The following TPRG1 variants were observed in gnomAD, a reference collection of about 807,000 sequenced individuals.
TPRG1 encodes the protein tumor protein p63 regulated 1.
In TPRG1, 29 loss-of-function variants were observed where a neutral mutation model predicts 29.3. The ratio of observed to expected loss-of-function variants is 0.99; its 90% CI spans 0.74 to 1.35. TPRG1 has a LOEUF of 1.35. Among genes scored for constraint, TPRG1 ranks in the 40% most tolerant of loss-of-function variants. TPRG1 has a pLI of 0.00. For missense variants in TPRG1, 327 were observed against 335.0 expected, an observed-to-expected ratio of 0.98 and a Z score of 0.19; for synonymous variants, 130 against 116.8, an observed-to-expected ratio of 1.11 and a Z score of -0.73.
rs551111568 is a variant in TPRG1 at position 189,312,347 on chromosome 3, G to T, written c.633+1808G>T. Among the ~76,000 whole-genome samples the T allele has an allele frequency of 2.0e-5, 3 of 151,500 alleles. No homozygotes were observed. The East Asian group carries it at 5.8e-4, about 29-fold the overall frequency. ...CTCCGGAGTAGCTGGGACTACAGGC[G>T]CCCGAAAACATCTGTTAATCCAAGA... On this transcript the variant is annotated intron_variant, in intron 5 of 5. Coordinates refer to ENST00000345063, the MANE Select transcript of TPRG1 (RefSeq NM_198485.4).
At position 189,322,424 on chromosome 3, in the gene TPRG1, C is replaced by T. The variant is rs977199346; in HGVS notation, c.*1604C>T. 3.3e-5 allele frequency: 5 copies of T among 152,214 alleles called. No individual in the cohort carries two copies. Among genetic ancestry groups the T allele is most frequent in the Admixed American group, 6.6e-5 (1 of 15,210 alleles). The allele number at this position is 152,214 out of a possible 1,614,324, so 9.4% of individuals were successfully genotyped here. A position where few individuals can be genotyped will look rare whatever the true frequency, so the allele number is the denominator to read the frequency against. ...GCCTTTACAGCACCCACTTTTTCTTCCCCCCATGATGGCAAATATTGTTAT... is the reference window on the plus strand; with the variant it reads ...GCCTTTACAGCACCCACTTTTTCTTTCCCCCATGATGGCAAATATTGTTAT... On this transcript the variant is annotated 3_prime_UTR_variant, in exon 6 of 6. Transcript: ENST00000345063.
intron 4 of TPRG1, among the ~76,000 whole-genome samples, chr3:189,031,077 T>C (rs1447777669): frequency 6.6e-6 from 1 of 152,138 alleles, no homozygotes; most frequent in Non-Finnish European, 1.5e-5. Flanking sequence ...CTCAAGCTGT[T>C]AGAGACCAGC....
At chr3:189,189,701 A>G (rs866593945) in intron 1 of TPRG1, among the ~76,000 whole-genome samples, 2 of 152,340 alleles carry the variant, frequency 1.3e-5, no homozygotes, top group African/African-American at 2.4e-5. Context: ...CAAGATACCT[A>G]TCCCGGACGG....
intron 4 of TPRG1, among the ~76,000 whole-genome samples, chr3:189,287,174 G>C (rs1253187037): frequency 1.3e-5 from 2 of 152,094 alleles, no homozygotes; most frequent in Admixed American, 6.6e-5. Context: ...CAGACAGGAA[G>C]AAAGGGAAAA....
chr3:189,072,200 AT>A (rs1267964551), intron 4 of TPRG1, among the ~76,000 whole-genome samples: 1 of 152,216 alleles, frequency 6.6e-6, no homozygotes, highest in Non-Finnish European at 1.5e-5. Context: ...TCTTGAAGCA[AT>A]TTAACATTCA....
chr3:189,287,216 G>A (rs976568047), intron 4 of TPRG1, among the ~76,000 whole-genome samples: 3 of 152,024 alleles, frequency 2.0e-5, no homozygotes, highest in African/African-American at 2.4e-5. Flanking sequence ...TCCCAGTGAC[G>A]CTTTGCCTTT....
intron 4 of TPRG1, among the ~76,000 whole-genome samples, chr3:189,271,481 C>A (rs542094139): frequency 6.6e-6 from 1 of 152,298 alleles, no homozygotes; most frequent in East Asian, 1.9e-4. Context: ...TTACTGAAGG[C>A]CCTCAGTGGG....
intron 3 of TPRG1, among the ~76,000 whole-genome samples, chr3:189,229,193 T>A (rs1738256038): frequency 6.6e-6 from 1 of 152,206 alleles, no homozygotes; most frequent in African/African-American, 2.4e-5. Flanking sequence ...GTCCATTATC[T>A]TCAAATTTGA....
chr3:189,165,433 C>CTTTTTTTTTTTTGTTTT (rs1453795343), intron 5 of TPRG1, among the ~76,000 whole-genome samples: 1 of 150,878 alleles, frequency 6.6e-6, no homozygotes, highest in Non-Finnish European at 1.5e-5. Flanking sequence ...GGTTCTCAAA[C>CTTTTTTTTTTTTGTTTT]TTTTATGTGC....
At chr3:189,098,294 C>T (rs999776816), upstream of TPRG1, among the ~76,000 whole-genome samples, 8 of 152,142 alleles carry the variant, frequency 5.3e-5, no homozygotes, top group Admixed American at 1.3e-4. Flanking sequence ...AGGGACAATA[C>T]GAGTAAAGAA....
chr3:189,265,595 C>T (rs1277137092), intron 4 of TPRG1, among the ~76,000 whole-genome samples: 1 of 152,172 alleles, frequency 6.6e-6, no homozygotes, highest in South Asian at 2.1e-4. Flanking sequence ...GCTCAGGCTG[C>T]CTTGAATCTA....
chr3:189,302,314 G>A (rs1720966295), intron 4 of TPRG1, among the ~76,000 whole-genome samples: 1 of 152,194 alleles, frequency 6.6e-6, no homozygotes, highest in Non-Finnish European at 1.5e-5. Context: ...TTAACTATGA[G>A]AGATTGTTCC....
intron 4 of TPRG1, among the ~76,000 whole-genome samples, chr3:189,285,651 G>A (rs1477888665): frequency 1.3e-5 from 2 of 152,150 alleles, no homozygotes; most frequent in Non-Finnish European, 2.9e-5. Flanking sequence ...CAATATTACA[G>A]ACATTGTACA....
chr3:189,218,538 C>A (rs373874413), intron 3 of TPRG1, among the ~76,000 whole-genome samples: 81 of 152,204 alleles, frequency 5.3e-4, no homozygotes, highest in Non-Finnish European at 9.4e-4. Flanking sequence ...GTCTAGCATG[C>A]CTGGCTTTGG....
intron 4 of TPRG1, among the ~76,000 whole-genome samples, chr3:189,282,270 G>T (rs551757177): frequency 2.9e-4 from 42 of 147,090 alleles, no homozygotes; most frequent in Non-Finnish European, 5.3e-4. Context: ...GGCATCAGTG[G>T]ATAACATGGT....
intron 1 of TPRG1, among the ~76,000 whole-genome samples, chr3:189,195,589 AG>A (rs927478416): frequency 1.3e-5 from 2 of 152,188 alleles, no homozygotes; most frequent in African/African-American, 4.8e-5. Context: ...TGTGGGCCAC[AG>A]GGGGCAGGGC....
At chr3:189,105,794 G>T (rs181806966) in intron 1 of TPRG1, among the ~76,000 whole-genome samples, 1 of 152,258 alleles carries the variant, frequency 6.6e-6, no homozygotes, top group Non-Finnish European at 1.5e-5. Context: ...AGTATATAGA[G>T]ATTAGAAGCT....
chr3:189,252,089 G>T (rs914924200), intron 4 of TPRG1, among the ~76,000 whole-genome samples: 8 of 152,156 alleles, frequency 5.3e-5, no homozygotes, highest in Non-Finnish European at 1.2e-4. Context: ...GAGTGGTGAT[G>T]ACTCTTAAGG....
intron 4 of TPRG1, among the ~76,000 whole-genome samples, chr3:189,028,833 T>C (rs1171691683): frequency 6.6e-6 from 1 of 152,206 alleles, no homozygotes; most frequent in East Asian, 1.9e-4. Context: ...TTAGTTAGAG[T>C]ACATCATAGC....
Sources: gnomAD v4.1 joint callset for allele counts (sites outside exome capture counted in the v4.1 genomes callset) on GRCh38, gnomAD v4.1.1 for gene constraint, MANE v1.5 for transcripts, NCBI Gene and HGNC (gene_info 2026-07-23, HGNC 2026-07-21) for gene names.